ADARB2: variants seen among roughly 807,000 people sequenced by gnomAD.
ADARB2 encodes the protein adenosine deaminase RNA specific B2 (inactive).
Under a neutral mutation model 62.2 loss-of-function variants are expected in ADARB2, and 25 were observed. The observed-to-expected ratio is 0.40, with a 90% CI of 0.29 to 0.56. The LOEUF is 0.56. ADARB2 is among the 20% of genes least tolerant of loss of function. The pLI, the probability that ADARB2 is intolerant of heterozygous loss-of-function variation, is 0.43. For synonymous variants in ADARB2, 572 were observed against 500.8 expected (o/e 1.14, Z -1.90); for missense variants, 1,071 against 1,077.4 (o/e 0.99, Z 0.08).
At chr10:1,307,125 T>C (rs9794441) in intron 3 of ADARB2, among the ~76,000 whole-genome samples, 21,727 of 89,378 alleles carry the variant, frequency 0.24, 3,109 homozygotes, top group East Asian at 0.53. Context: ...CAAAAGAAAC[T>C]ACCATCAGAG....
At chr10:1,551,299 G>A (rs575052469) in intron 1 of ADARB2, among the ~76,000 whole-genome samples, 1 of 152,168 alleles carries the variant, frequency 6.6e-6, no homozygotes, top group Non-Finnish European at 1.5e-5. Flanking sequence ...TATTATTGAA[G>A]CCACCTGGGC....
chr10:1,316,461 G>T (rs1831740944), intron 3 of ADARB2, among the ~76,000 whole-genome samples: 1 of 152,234 alleles, frequency 6.6e-6, no homozygotes, highest in Non-Finnish European at 1.5e-5. Context: ...GTCGGCCACG[G>T]TGCATGCCCT....
At chr10:1,428,789 T>C (rs576289974) in intron 1 of ADARB2, among the ~76,000 whole-genome samples, 45 of 151,946 alleles carry the variant, frequency 3.0e-4, no homozygotes, top group African/African-American at 1.1e-3. Flanking sequence ...CCTCCACCTG[T>C]GATAAAATTA....
chr10:1,497,620 C>A (rs1219413954), intron 1 of ADARB2, among the ~76,000 whole-genome samples: 2 of 152,184 alleles, frequency 1.3e-5, no homozygotes, highest in Non-Finnish European at 2.9e-5. Context: ...CACACACAGG[C>A]ACAAGCATCA....
rs550790464 is a variant in ADARB2, at chr10:1,235,178, C to T, written c.1362-1333G>A. ...ACCTCACAGTGGACTGTGGGTTTGA[C>T]GTAGCCTGAGTGGGCAGCTTGTGTG... On this transcript the variant is annotated intron_variant, in intron 5 of 9. Transcript: ENST00000381312. Among the ~76,000 whole-genome samples, 5 of 149,118 alleles carry T rather than the reference C, an allele frequency of 3.4e-5. No individual in the cohort carries two copies. In the South Asian group the frequency reaches 8.6e-4, roughly 26 times the overall value.
chr10:1,367,003 C>T (rs565019398), intron 2 of ADARB2, among the ~76,000 whole-genome samples: 3 of 152,288 alleles, frequency 2.0e-5, no homozygotes, highest in Admixed American at 2.0e-4. Flanking sequence ...CCATGTGGCC[C>T]GAAAGTCAAG....
At chr10:1,670,591 GC>G (rs1371445926) in intron 1 of ADARB2, among the ~76,000 whole-genome samples, 1 of 152,184 alleles carries the variant, frequency 6.6e-6, no homozygotes, top group Non-Finnish European at 1.5e-5. Flanking sequence ...CATACCAGCA[GC>G]CCTGCCACAC....
intron 1 of ADARB2, among the ~76,000 whole-genome samples, chr10:1,434,655 T>C (rs1830815411): frequency 3.3e-5 from 5 of 152,164 alleles, no homozygotes; most frequent in African/African-American, 2.4e-5. Flanking sequence ...CTCCATGATT[T>C]AGCAGCAGAC....
intron 1 of ADARB2, among the ~76,000 whole-genome samples, chr10:1,689,501 C>T (rs576878413): frequency 1.3e-5 from 2 of 152,308 alleles, no homozygotes; most frequent in African/African-American, 4.8e-5. Context: ...GTTCTTTACA[C>T]ACATAGGGGC....
rs569189536 is a variant in ADARB2, at chr10:1,533,350, A to C, written c.101-154190T>G. On this transcript the variant is annotated intron_variant, in intron 1 of 9. Coordinates refer to ENST00000381312, the MANE Select transcript of ADARB2 (RefSeq NM_018702.4). ...TCACTATGTTGGCCAGGCTGGTCTCAAACTCCTGACCTCGTGATCTGCCTG... is the reference window on the plus strand; with the variant it reads ...TCACTATGTTGGCCAGGCTGGTCTCCAACTCCTGACCTCGTGATCTGCCTG... Among the ~76,000 whole-genome samples, 42 of 150,108 alleles carry C rather than the reference A, an allele frequency of 2.8e-4. 1 individual carries two copies. The highest frequency in any genetic ancestry group is 8.6e-4 in the African/African-American group (35 of 40,924).
At chr10:1,687,002 C>T (rs1834604684) in intron 1 of ADARB2, among the ~76,000 whole-genome samples, 1 of 149,808 alleles carries the variant, frequency 6.7e-6, no homozygotes, top group Non-Finnish European at 1.5e-5. Flanking sequence ...CTGAGTCCCT[C>T]TTGCCTCCCA....
intron 3 of ADARB2, among the ~76,000 whole-genome samples, chr10:1,297,812 G>A (rs1256527903): frequency 6.6e-6 from 1 of 152,224 alleles, no homozygotes; most frequent in Non-Finnish European, 1.5e-5. Flanking sequence ...AGCAGCCATG[G>A]AGGCAGGGGC....
At chr10:1,393,642 G>A (rs1564278051) in intron 1 of ADARB2, among the ~76,000 whole-genome samples, 1 of 152,150 alleles carries the variant, frequency 6.6e-6, no homozygotes, top group African/African-American at 2.4e-5. Flanking sequence ...CTATGGTACT[G>A]TGCACAGTCT....
At chr10:1,362,315 A>C (rs1832265620) in intron 3 of ADARB2, among the ~76,000 whole-genome samples, 1 of 152,184 alleles carries the variant, frequency 6.6e-6, no homozygotes, top group African/African-American at 2.4e-5. Context: ...GTGTGCTTTC[A>C]TTTCCCAGAA....
chr10:1,299,128 T>C (rs978781206), intron 3 of ADARB2, among the ~76,000 whole-genome samples: 7 of 151,956 alleles, frequency 4.6e-5, no homozygotes, highest in African/African-American at 1.7e-4. Context: ...TGCTCTTAAA[T>C]GTCTTGTGTG....
chr10:1,723,021 T>A (rs973138050), intron 1 of ADARB2, among the ~76,000 whole-genome samples: 1 of 152,132 alleles, frequency 6.6e-6, no homozygotes, highest in African/African-American at 2.4e-5. Flanking sequence ...CACATGCACA[T>A]ACACACACAT....
At chr10:1,552,059 T>C (rs573130602) in intron 1 of ADARB2, among the ~76,000 whole-genome samples, 2 of 152,124 alleles carry the variant, frequency 1.3e-5, no homozygotes, top group East Asian at 3.9e-4. Flanking sequence ...CTGAGCCTCC[T>C]CCCTCGCAGC....
rs113101026 is a variant in ADARB2 at position 1,571,682 on chromosome 10, G to A, written c.100+165369C>T. ...GACAGGTGAGTGTGCAGGTGAGTGTGCAGGTGAGTGGACAGGTGAGTGGAC... is the reference window on the plus strand; with the variant it reads ...GACAGGTGAGTGTGCAGGTGAGTGTACAGGTGAGTGGACAGGTGAGTGGAC... On this transcript the variant is annotated intron_variant, in intron 1 of 9. Coordinates refer to ENST00000381312, the MANE Select transcript of ADARB2 (RefSeq NM_018702.4). Among the ~76,000 whole-genome samples, 10 of 149,788 alleles carry A rather than the reference G, an allele frequency of 6.7e-5. No individual in the cohort carries two copies. The East Asian group carries it at 1.8e-3, about 26-fold the overall frequency.
chr10:1,344,015 A>G (rs1832055929), intron 3 of ADARB2, among the ~76,000 whole-genome samples: 1 of 152,118 alleles, frequency 6.6e-6, no homozygotes, highest in Non-Finnish European at 1.5e-5. Flanking sequence ...TGTACCCTTG[A>G]ACCTAAAATA....
Sources: gnomAD v4.1 joint callset for allele counts (sites outside exome capture counted in the v4.1 genomes callset) on GRCh38, gnomAD v4.1.1 for gene constraint, MANE v1.5 for transcripts, NCBI Gene and HGNC (gene_info 2026-07-23, HGNC 2026-07-21) for gene names.